Variants in C10orf105 observed in about 807,000 individuals in gnomAD.
C10orf105 encodes the protein chromosome 10 open reading frame 105.
A neutral mutation model predicts 0.6 loss-of-function variants in C10orf105; 2 were observed. The observed-to-expected ratio is 3.18, with a 90% CI of 1.30 to 10.01. The LOEUF (loss-of-function observed/expected upper bound fraction) is 10.01. Among genes scored for constraint, C10orf105 ranks in the 30% most tolerant of loss-of-function variants. The pLI is 0.04. For missense variants in C10orf105, 209 were observed against 191.4 expected, an observed-to-expected ratio of 1.09 and a Z score of -0.54; for synonymous variants, 95 against 82.4, an observed-to-expected ratio of 1.15 and a Z score of -0.83.
intron 1 of C10orf105, among the ~76,000 whole-genome samples, chr10:71,728,867 C>G (rs1226249760): frequency 6.6e-6 from 1 of 152,166 alleles, no homozygotes. Context: ...CCACCCCCGG[C>G]TAATTTTTTT....
intron 1 of C10orf105, among the ~76,000 whole-genome samples, chr10:71,719,422 G>A (rs1003248042): frequency 1.3e-5 from 2 of 152,218 alleles, no homozygotes; most frequent in African/African-American, 2.4e-5. Flanking sequence ...GAGTTCCACA[G>A]AGCAGGACCT....
At chr10:71,726,214 G>GC (rs1245841240) in intron 1 of C10orf105, among the ~76,000 whole-genome samples, 3 of 151,824 alleles carry the variant, frequency 2.0e-5, no homozygotes, top group Non-Finnish European at 2.9e-5. Flanking sequence ...ACACTCAGCA[G>GC]CCCCCAGCCC....
chr10:71,723,356 C>G (rs75793559), upstream of C10orf105, among the ~76,000 whole-genome samples: 3,201 of 152,262 alleles, frequency 0.021, 116 homozygotes, highest in African/African-American at 0.074. Flanking sequence ...AGGCTGCACT[C>G]CTTGTAAAAA....
intron 1 of C10orf105, among the ~76,000 whole-genome samples, chr10:71,737,454 C>T (rs1298095265): frequency 6.6e-6 from 1 of 152,218 alleles, no homozygotes; most frequent in East Asian, 1.9e-4. Flanking sequence ...GAGCTGCCTA[C>T]AGATAGGGGA....
rs111033488 is a variant in C10orf105 at position 71,730,508 on chromosome 10, G to A, written c.-6+7220C>T. ...GGAGGACATCAACGATGAGGCCCCC[G>A]TGTTCACACAGCAGCAGTACAGCCG... On this transcript the variant is annotated intron_variant, in intron 1 of 1. Coordinates refer to the C10orf105 transcript ENST00000398786. The A allele has an allele frequency of 2.6e-3, 4,135 of 1,613,920 alleles. 97 individuals are homozygous for A. The African/African-American group carries it at 0.05, about 19-fold the overall frequency.
At chr10:71,721,194 CTT>C (rs903811785), upstream of C10orf105, among the ~76,000 whole-genome samples, 5 of 152,220 alleles carry the variant, frequency 3.3e-5, no homozygotes, top group African/African-American at 1.2e-4. Flanking sequence ...ACGTGGCTCT[CTT>C]CACCATCCTG....
intron 1 of C10orf105, among the ~76,000 whole-genome samples, chr10:71,718,138 A>G (rs1339523405): frequency 1.3e-5 from 2 of 152,296 alleles, no homozygotes; most frequent in East Asian, 1.9e-4. Context: ...TGCAGCTTAG[A>G]TAACAGTTGA....
At chr10:71,727,435 C>A (rs939478151) in intron 1 of C10orf105, among the ~76,000 whole-genome samples, 1 of 152,242 alleles carries the variant, frequency 6.6e-6, no homozygotes, top group Non-Finnish European at 1.5e-5. Flanking sequence ...ACAGCCTCCA[C>A]ACCCATGAGA....
chr10:71,726,838 AC>A (rs1435776606), intron 1 of C10orf105, among the ~76,000 whole-genome samples: 2 of 152,124 alleles, frequency 1.3e-5, no homozygotes, highest in Non-Finnish European at 2.9e-5. Context: ...CCGCTCCCTC[AC>A]CCAGGCGTGG....
rs529688229 is a variant in C10orf105 at position 71,734,188 on chromosome 10, G to T, written c.-6+3540C>A. The T allele has an allele frequency of 4.1e-6, 6 of 1,460,570 alleles. No homozygotes were observed. The African/African-American group carries it at 8.4e-5, about 20-fold the overall frequency. The allele number at this position is 1,460,570 out of a possible 1,614,324, so 90.5% of individuals were successfully genotyped here. A position where few individuals can be genotyped will look rare whatever the true frequency, so the allele number is the denominator to read the frequency against. On this transcript the variant is annotated intron_variant, in intron 1 of 1. Transcript: ENST00000398786. ...GTGGAAAAGTGGGCAGAATGACCAGGGTTAACAAGGGTGCGATGTTGTCAC... is the reference window on the plus strand; with the variant it reads ...GTGGAAAAGTGGGCAGAATGACCAGTGTTAACAAGGGTGCGATGTTGTCAC...
chr10:71,725,645 CATCT>C, intron 1 of C10orf105: 1 of 1,148,670 alleles, frequency 8.7e-7, no homozygotes, highest in Non-Finnish European at 1.2e-6. Flanking sequence ...TGCTGAATGA[CATCT>C]GGGCCTAAGG....
chr10:71,712,805 A>G lies in C10orf105; in HGVS notation c.*3131T>C, dbSNP rs200542052. 3 of 1,612,002 alleles carry G rather than the reference A, an allele frequency of 1.9e-6. No individual in the cohort carries two copies. Among genetic ancestry groups the G allele is most frequent in the Middle Eastern group, 1.6e-4 (1 of 6,080 alleles). ...TGAGGACATCCCTGAAGGCCACAGC[A>G]TCTTGCAGGCAGGTGGCCCGTGGCC... On this transcript the variant is annotated 3_prime_UTR_variant, in exon 2 of 2. Coordinates refer to ENST00000441508, the MANE Select transcript of C10orf105 (RefSeq NM_001164375.3).
chr10:71,721,476 T>C (rs2132791204), upstream of C10orf105, among the ~76,000 whole-genome samples: 1 of 152,332 alleles, frequency 6.6e-6, no homozygotes, highest in East Asian at 1.9e-4. Context: ...CTGGTCATCA[T>C]TGTGCCCAGT....
chr10:71,724,663 G>A (rs1866725942), upstream of C10orf105, among the ~76,000 whole-genome samples: 1 of 152,196 alleles, frequency 6.6e-6, no homozygotes, highest in Admixed American at 6.5e-5. Context: ...CCAAAGCCAT[G>A]GCCCTGACAG....
chr10:71,723,694 G>T (rs1866670494), upstream of C10orf105, among the ~76,000 whole-genome samples: 1 of 152,180 alleles, frequency 6.6e-6, no homozygotes, highest in South Asian at 2.1e-4. Context: ...GCTCTGAAAG[G>T]CTGCCGGGTA....
intron 1 of C10orf105, among the ~76,000 whole-genome samples, chr10:71,728,289 A>AT (rs1302685023): frequency 6.6e-6 from 1 of 151,098 alleles, no homozygotes; most frequent in Non-Finnish European, 1.5e-5. Context: ...TGGAGTGGAC[A>AT]TGTTAGTTTG....
Position 71,712,936 on chromosome 10 carries a change from G to C in C10orf105, c.*3000C>G. ...GCAGGTGGGGGCCCAGGGTGGGTCC[G>C]CTGCTCTGGAAGGTGCTGTGGGGAA... is the stretch of plus-strand genomic sequence containing the variant. On this transcript the variant is annotated 3_prime_UTR_variant, in exon 2 of 2. Transcript: ENST00000441508. 8.6e-7 allele frequency: 1 copy of C among 1,168,186 alleles called. No individual in the cohort carries two copies. Among genetic ancestry groups the C allele is most frequent in the Non-Finnish European group, 1.2e-6 (1 of 803,614 alleles). The allele number at this position is 1,168,186 out of a possible 1,614,324, so 72.4% of individuals were successfully genotyped here.
At position 71,734,757 on chromosome 10, in the gene C10orf105, G is replaced by A. The variant is rs58521844; in HGVS notation, c.-6+2971C>T. The A allele has an allele frequency of 0.015, 10,876 of 731,996 alleles. 895 individuals carry two copies. In the African/African-American group the frequency reaches 0.17, roughly 12 times the overall value. 45.3% of individuals were successfully genotyped at this position (731,996 alleles called of 1,614,324 possible). Reference sequence around the variant, plus strand: ...TGGACCTTCCCACCTCTCCCAGAGAGAAGGCACGTGGACAGGCCTGCAGCA... The same window carrying A: ...TGGACCTTCCCACCTCTCCCAGAGAAAAGGCACGTGGACAGGCCTGCAGCA... On this transcript the variant is annotated intron_variant, in intron 1 of 1. Transcript: ENST00000398786.
chr10:71,733,852 C>T (rs1839471454), intron 1 of C10orf105, among the ~76,000 whole-genome samples: 1 of 152,160 alleles, frequency 6.6e-6, no homozygotes, highest in Non-Finnish European at 1.5e-5. Flanking sequence ...CAGGCCTTGT[C>T]CTAGAGGATA....
Sources: gnomAD v4.1 joint callset for allele counts (sites outside exome capture counted in the v4.1 genomes callset) on GRCh38, gnomAD v4.1.1 for gene constraint, MANE v1.5 for transcripts, NCBI Gene and HGNC (gene_info 2026-07-23, HGNC 2026-07-21) for gene names.